Variants in IQCM observed in about 807,000 individuals in gnomAD.
IQCM encodes IQ motif containing M, also known as IQ domain-containing protein M.
In IQCM, 45 loss-of-function variants were observed where a neutral mutation model predicts 57.6. The observed-to-expected ratio is 0.78, with a 90% CI of 0.62 to 1.00. IQCM has a LOEUF of 1.00. Among genes scored for constraint, IQCM ranks in the 50% least tolerant of loss-of-function variants. The probability of loss-of-function intolerance (pLI) is 0.00; values close to 1 mark genes in which losing one functional copy is unlikely to be tolerated. For synonymous variants in IQCM, 148 were observed against 158.9 expected (o/e 0.93, Z 0.51); for missense variants, 468 against 511.6 (o/e 0.91, Z 0.82).
intron 12 of IQCM, among the ~76,000 whole-genome samples, chr4:149,459,885 G>A (rs1015816154): frequency 1.3e-5 from 2 of 152,138 alleles, no homozygotes; most frequent in African/African-American, 2.4e-5. Context: ...AACGTGGGTT[G>A]AACAAATACC....
intron 8 of IQCM, among the ~76,000 whole-genome samples, chr4:149,607,595 A>G (rs549618069): frequency 9.2e-5 from 14 of 152,146 alleles, no homozygotes; most frequent in Non-Finnish European, 1.8e-4. Flanking sequence ...GATAAATAAT[A>G]TAAAAGATAA....
At chr4:149,360,382 A>G (rs1277362267) in intron 13 of IQCM, among the ~76,000 whole-genome samples, 1 of 152,200 alleles carries the variant, frequency 6.6e-6, no homozygotes, top group African/African-American at 2.4e-5. Flanking sequence ...TCATATGCAA[A>G]TACTACATCA....
At chr4:149,447,706 G>A (rs191944545) in intron 12 of IQCM, among the ~76,000 whole-genome samples, 21 of 151,458 alleles carry the variant, frequency 1.4e-4, no homozygotes, top group African/African-American at 5.1e-4. Context: ...GTAGAATAAA[G>A]ACATAACAGA....
rs1580159376 is a variant in IQCM at position 149,735,320 on chromosome 4, C to G, written c.120+56G>C. On this transcript the variant is annotated intron_variant, in intron 4 of 13. Coordinates refer to ENST00000636793, the MANE Select transcript of IQCM (RefSeq NM_001363507.2). ...GGTTTATGCAATCCTTTGGGAGAAT[C>G]CTTGTAGTATGCAAAAATTTTAAAA... 3 of 810,304 alleles carry G rather than the reference C, an allele frequency of 3.7e-6. No homozygotes were observed. The East Asian group carries it at 1.0e-4, about 27-fold the overall frequency. The allele number at this position is 810,304 out of a possible 1,614,324, so 50.2% of individuals were successfully genotyped here. A position where few individuals can be genotyped will look rare whatever the true frequency, so the allele number is the denominator to read the frequency against.
chr4:149,463,526 G>A (rs1192461821), intron 12 of IQCM, among the ~76,000 whole-genome samples: 5 of 152,068 alleles, frequency 3.3e-5, no homozygotes, highest in African/African-American at 1.2e-4. Context: ...TCCATTTAGG[G>A]CAAAGATGAG....
chr4:149,668,166 G>T (rs1579927052), intron 7 of IQCM, among the ~76,000 whole-genome samples: 1 of 152,100 alleles, frequency 6.6e-6, no homozygotes, highest in African/African-American at 2.4e-5. Flanking sequence ...AATGTTAAGG[G>T]CAGCCAGAGA....
intron 9 of IQCM, among the ~76,000 whole-genome samples, chr4:149,582,307 C>CATATAT (rs70965193): frequency 2.3e-5 from 2 of 88,174 alleles, no homozygotes; most frequent in East Asian, 4.1e-4. Flanking sequence ...ATGCTGTAGA[C>CATATAT]ATATATATAT....
chr4:149,596,367 T>G (rs1753782195), intron 8 of IQCM, among the ~76,000 whole-genome samples: 1 of 152,156 alleles, frequency 6.6e-6, no homozygotes, highest in South Asian at 2.1e-4. Flanking sequence ...GGCCAAACAC[T>G]GAAATGTTGA....
rs1260904773 is a variant in IQCM, at chr4:149,611,022, T to C, written c.681+10107A>G. Among the ~76,000 whole-genome samples, 4 of 151,910 alleles carry C rather than the reference T, an allele frequency of 2.6e-5. No individual in the cohort carries two copies. The East Asian group carries it at 5.8e-4, about 22-fold the overall frequency. On this transcript the variant is annotated intron_variant, in intron 8 of 13. Coordinates refer to ENST00000636793, the MANE Select transcript of IQCM (RefSeq NM_001363507.2). ...GCTCAAACAACTCAATAGGAAAAGA[T>C]AAATAATCTGATTTTAAAATAGGCA... is the stretch of plus-strand genomic sequence containing the variant.
At chr4:149,469,795 G>C (rs997243348) in intron 12 of IQCM, among the ~76,000 whole-genome samples, 5 of 152,180 alleles carry the variant, frequency 3.3e-5, no homozygotes, top group South Asian at 2.1e-4. Flanking sequence ...CTCTACAAGC[G>C]AGAAGAGAGT....
chr4:149,457,613 A>C (rs1413424934), intron 12 of IQCM, among the ~76,000 whole-genome samples: 1 of 152,078 alleles, frequency 6.6e-6, no homozygotes. Context: ...AAAAAGACTT[A>C]TCAGAGGTTG....
At chr4:149,503,723 A>T (rs946476454) in intron 12 of IQCM, among the ~76,000 whole-genome samples, 33 of 152,154 alleles carry the variant, frequency 2.2e-4, no homozygotes, top group South Asian at 1.2e-3. Flanking sequence ...TAGACAAAAA[A>T]TTTTTTTTAA....
At chr4:149,524,279 T>C (rs1745946157) in intron 12 of IQCM, among the ~76,000 whole-genome samples, 1 of 152,136 alleles carries the variant, frequency 6.6e-6, no homozygotes, top group Admixed American at 6.5e-5. Context: ...GCACAGGAAA[T>C]TTTCTGGGGC....
intron 8 of IQCM, among the ~76,000 whole-genome samples, chr4:149,594,761 C>T (rs552300737): frequency 7.9e-5 from 12 of 152,212 alleles, no homozygotes; most frequent in South Asian, 6.2e-4. Flanking sequence ...TGTAGTTGAG[C>T]GGTTTTGAGT....
Position 149,368,932 on chromosome 4 carries a change from GTGTATATATA to G in IQCM, c.1391-16876_1391-16867del, listed in dbSNP as rs1730117634. ...TATATATATGTGTATATATATACAC[GTGTATATATA>G]TGTGTATATATATACACGTGTATAT... On this transcript the variant is annotated intron_variant, in intron 13 of 13. Transcript: ENST00000636793. 7.6e-5 allele frequency among the ~76,000 whole-genome samples: 5 copies of G among 65,584 alleles called. 1 individual carries two copies. The highest frequency in any genetic ancestry group is 1.5e-4 in the Non-Finnish European group (5 of 32,510). 43.0% of individuals were successfully genotyped at this position (65,584 alleles called of 152,430 possible).
At chr4:149,392,647 A>G (rs1269506927) in intron 13 of IQCM, among the ~76,000 whole-genome samples, 1 of 151,970 alleles carries the variant, frequency 6.6e-6, no homozygotes, top group African/African-American at 2.4e-5. Flanking sequence ...AAATTAATTT[A>G]TATTTGTTCC....
At chr4:149,607,654 A>G (rs1754912019) in intron 8 of IQCM, among the ~76,000 whole-genome samples, 2 of 152,098 alleles carry the variant, frequency 1.3e-5, no homozygotes, top group Admixed American at 1.3e-4. Flanking sequence ...GTTAAAATAT[A>G]GAGTATTTTA....
intron 2 of IQCM, among the ~76,000 whole-genome samples, chr4:149,760,021 A>AGGAAG (rs1554036705): frequency 1.5e-5 from 1 of 67,420 alleles, no homozygotes; most frequent in Non-Finnish European, 2.5e-5. Flanking sequence ...GAAGGAAGGA[A>AGGAAG]GGAAGGGAAG....
intron 13 of IQCM, among the ~76,000 whole-genome samples, chr4:149,404,870 AATATATTTCGTAGAGAAATAT>A (rs1314618614): frequency 2.0e-5 from 3 of 152,094 alleles, no homozygotes; most frequent in African/African-American, 7.2e-5. Flanking sequence ...AAAGCAGAGA[AATATATTTCGTAGAGAAATAT>A]ATTTAACAGA....
Sources: allele counts gnomAD v4.1 joint callset (sites outside exome capture counted in the v4.1 genomes callset), GRCh38; gene constraint gnomAD v4.1.1; transcripts MANE v1.5; gene names NCBI Gene and HGNC (gene_info 2026-07-23, HGNC 2026-07-21).